Variants in FAM193A observed in about 807,000 individuals in gnomAD.
The protein encoded by FAM193A is protein FAM193A.
In FAM193A, 22 loss-of-function variants were observed where a neutral mutation model predicts 126.5. The observed-to-expected ratio is 0.17, with a 90% CI of 0.12 to 0.25. The LOEUF is 0.25. FAM193A is among the 10% of genes least tolerant of loss of function. The pLI is 1.00. For missense variants in FAM193A, 1,675 were observed against 1,672.8 expected (o/e 1.00, Z -0.02); for synonymous variants, 761 against 646.8 (o/e 1.18, Z -2.68).
chr4:2,631,223 G>A lies in FAM193A; in HGVS notation c.1038+54G>A, dbSNP rs1743548028. 9 of 1,519,686 alleles carry A rather than the reference G, an allele frequency of 5.9e-6. No homozygotes were observed. The South Asian group carries it at 9.9e-5, about 17-fold the overall frequency. 94.1% of individuals were successfully genotyped at this position (1,519,686 alleles called of 1,614,324 possible). On this transcript the variant is annotated intron_variant, in intron 5 of 20. Coordinates refer to ENST00000637812, the MANE Select transcript of FAM193A (RefSeq NM_001366318.2). The stretch of plus-strand genomic sequence containing the variant: ...GTTTGGATGAGCTGAAGAGAAGCAT[G>A]TGGCAAGAGGAAGCTTCTCACGCAT...
Position 2,629,251 on chromosome 4 carries a change from C to T in FAM193A, c.804-1684C>T, listed in dbSNP as rs183884483. 1.7e-4 allele frequency among the ~76,000 whole-genome samples: 25 copies of T among 151,064 alleles called. No individual in the cohort carries two copies. In the Admixed American group the frequency reaches 1.7e-3, roughly 10 times the overall value. On this transcript the variant is annotated intron_variant, in intron 4 of 20. Transcript: ENST00000637812. ...AAAAAAGAGATCTAAGTCCGACATG[C>T]TAAGAGAACAGTGACGTGGGTGTCC...
intron 18 of FAM193A, among the ~76,000 whole-genome samples, chr4:2,697,551 A>G (rs1223660302): frequency 1.3e-5 from 2 of 152,182 alleles, no homozygotes; most frequent in Non-Finnish European, 2.9e-5. Context: ...GGTCTTGGGA[A>G]GAGGCCAGGT....
chr4:2,687,874 G>T (rs1434126812), intron 13 of FAM193A, among the ~76,000 whole-genome samples: 1 of 152,200 alleles, frequency 6.6e-6, no homozygotes, highest in East Asian at 1.9e-4. Flanking sequence ...CCTGGAGCCT[G>T]TCAGGGTGTA....
chr4:2,567,331 T>G (rs1206987351), intron 1 of FAM193A, among the ~76,000 whole-genome samples: 1 of 152,220 alleles, frequency 6.6e-6, no homozygotes, highest in Non-Finnish European at 1.5e-5. Flanking sequence ...CCAGTTTTCA[T>G]AATTTAGCAA....
chr4:2,620,092 G>A (rs1742451412), intron 2 of FAM193A, among the ~76,000 whole-genome samples: 1 of 152,154 alleles, frequency 6.6e-6, no homozygotes, highest in Admixed American at 6.6e-5. Flanking sequence ...ATTTTACATT[G>A]TTAATTGCTG....
At chr4:2,706,426 A>T (rs1718319689) in intron 19 of FAM193A, among the ~76,000 whole-genome samples, 1 of 150,382 alleles carries the variant, frequency 6.6e-6, no homozygotes, top group Admixed American at 6.7e-5. Context: ...CCTCCCAAGT[A>T]GCTGGGATTA....
At chr4:2,593,440 C>T (rs1740680955) in intron 1 of FAM193A, among the ~76,000 whole-genome samples, 1 of 152,212 alleles carries the variant, frequency 6.6e-6, no homozygotes. Context: ...CTCAAGGAGG[C>T]CCTCACTGTC....
intron 19 of FAM193A, among the ~76,000 whole-genome samples, chr4:2,715,797 A>G (rs1162251808): frequency 6.6e-6 from 1 of 152,232 alleles, no homozygotes; most frequent in Non-Finnish European, 1.5e-5. Flanking sequence ...CGGGACCTGA[A>G]GCCACAGTTG....
intron 19 of FAM193A, among the ~76,000 whole-genome samples, chr4:2,707,828 C>T (rs771899050): frequency 3.3e-4 from 50 of 150,544 alleles, no homozygotes; most frequent in Admixed American, 1.0e-3. Context: ...TTCCCAGGTT[C>T]AATTCCACCT....
At chr4:2,566,687 C>CA (rs1560447686) in intron 1 of FAM193A, among the ~76,000 whole-genome samples, 1 of 151,394 alleles carries the variant, frequency 6.6e-6, no homozygotes, top group Non-Finnish European at 1.5e-5. Context: ...GACTCTGTCT[C>CA]AAAAAAAGAA....
chr4:2,644,604 A>G (rs1215272269), intron 6 of FAM193A, among the ~76,000 whole-genome samples: 1 of 152,136 alleles, frequency 6.6e-6, no homozygotes, highest in Non-Finnish European at 1.5e-5. Flanking sequence ...GTGCGTCAGT[A>G]TTGTTTCTTT....
At chr4:2,731,358 CCT>C (rs1327848142) in intron 20 of FAM193A, among the ~76,000 whole-genome samples, 1 of 151,458 alleles carries the variant, frequency 6.6e-6, no homozygotes, top group Non-Finnish European at 1.5e-5. Context: ...AGAGTGAGAC[CCT>C]GTCTCAAAAA....
At chr4:2,639,965 G>A (rs1744456718) in intron 6 of FAM193A, 106 bp downstream of exon 6, 1 of 1,126,250 alleles carries the variant, frequency 8.9e-7, no homozygotes, top group Admixed American at 2.7e-5. Context: ...AGTTCTTGCA[G>A]GAAAAATAAC....
At chr4:2,596,983 T>C (rs1004460370) in intron 2 of FAM193A, among the ~76,000 whole-genome samples, 1 of 152,200 alleles carries the variant, frequency 6.6e-6, no homozygotes, top group African/African-American at 2.4e-5. Flanking sequence ...TACCTTGCTA[T>C]GTGCAGCCAG....
intron 6 of FAM193A, among the ~76,000 whole-genome samples, chr4:2,644,934 C>T (rs536231788): frequency 1.3e-5 from 2 of 151,774 alleles, no homozygotes; most frequent in South Asian, 4.2e-4. Context: ...ACATTTTTTC[C>T]CTATGTCCAC....
chr4:2,659,870 C>T lies in FAM193A; in HGVS notation c.1561C>T (p.Pro521Ser), dbSNP rs200559674. The change falls in exon 10 of 21, where the codon CCC becomes TCC. Residue 521 changes from proline (P) to serine (S), a missense_variant. Physicochemically the swap from Pro to Ser is moderately conservative, Grantham distance 74 (BLOSUM62 -1). Coordinates refer to ENST00000637812, the MANE Select transcript of FAM193A (RefSeq NM_001366318.2). ...HILTCGIMDPPVTDDIHIHQL... is the reference protein window; with the variant it reads ...HILTCGIMDPSVTDDIHIHQL... ...CCTCACGTGTGGTATCATGGACCCC[C>T]CCGTCACTGATGACATCCACATTCA... 2.2e-4 allele frequency: 355 copies of T among 1,613,994 alleles called. No homozygotes were observed. Among genetic ancestry groups the T allele is most frequent in the Non-Finnish European group, 2.9e-4 (342 of 1,179,974 alleles).
At chr4:2,536,346 C>T (rs1245792736), upstream of FAM193A, among the ~76,000 whole-genome samples, 2 of 151,806 alleles carry the variant, frequency 1.3e-5, no homozygotes, top group Non-Finnish European at 2.9e-5. Context: ...GAGGCGGTGA[C>T]ATCACCGCCG....
At position 2,594,820 on chromosome 4, in the gene FAM193A, C is replaced by CTTTTTTTTTTTTTT. The variant is rs386399069; in HGVS notation, c.256-1251_256-1238dup. The stretch of plus-strand genomic sequence containing the variant: ...GTTTCTTTCTTTTTCTTTTCTTTTC[C>CTTTTTTTTTTTTTT]TTTTTTTTTTTTTTTTTTTTTTTTT... On this transcript the variant is annotated intron_variant, in intron 1 of 20. Coordinates refer to ENST00000637812, the MANE Select transcript of FAM193A (RefSeq NM_001366318.2). 1.6e-4 allele frequency among the ~76,000 whole-genome samples: 10 copies of CTTTTTTTTTTTTTT among 62,230 alleles called. 1 individual carries two copies. Among genetic ancestry groups the CTTTTTTTTTTTTTT allele is most frequent in the East Asian group, 5.6e-4 (1 of 1,790 alleles). The allele number at this position is 62,230 out of a possible 152,430, so 40.8% of individuals were successfully genotyped here. A position where few individuals can be genotyped will look rare whatever the true frequency, so the allele number is the denominator to read the frequency against.
chr4:2,687,742 A>G (rs1192562948), intron 13 of FAM193A, among the ~76,000 whole-genome samples: 1 of 152,100 alleles, frequency 6.6e-6, no homozygotes, highest in African/African-American at 2.4e-5. Context: ...CCACAAATTG[A>G]TCTTTCCACA....
Sources: gnomAD v4.1 joint callset for allele counts (sites outside exome capture counted in the v4.1 genomes callset) on GRCh38, gnomAD v4.1.1 for gene constraint, MANE v1.5 for transcripts, NCBI Gene and HGNC (gene_info 2026-07-23, HGNC 2026-07-21) for gene names.